The following CD55 variants were observed in gnomAD, a reference collection of about 807,000 sequenced individuals.
CD55 encodes CD55 molecule (Cromer blood group), also known as complement decay-accelerating factor.
In CD55, 41 loss-of-function variants were observed where a neutral mutation model predicts 45.8. The observed-to-expected ratio is 0.90, with a 90% CI of 0.70 to 1.16. The LOEUF (loss-of-function observed/expected upper bound fraction) is 1.16. CD55 is among the 50% of genes most tolerant of loss of function. The pLI is 0.00. For missense variants in CD55, 416 were observed against 469.8 expected (o/e 0.89, Z 1.06); for synonymous variants, 181 against 181.1 (o/e 1.00, Z 0.01).
chr1:207,352,784 A>G (rs1413770841), intron 9 of CD55, among the ~76,000 whole-genome samples: 4 of 152,102 alleles, frequency 2.6e-5, no homozygotes, highest in African/African-American at 4.8e-5. Context: ...TGATAATTTC[A>G]TCACTCCCTC....
chr1:207,327,600 C>A (rs868698683), intron 5 of CD55, among the ~76,000 whole-genome samples: 3 of 152,160 alleles, frequency 2.0e-5, no homozygotes, highest in Non-Finnish European at 2.9e-5. Flanking sequence ...TTCTCTCTCT[C>A]CACACACAAT....
chr1:207,325,212 G>A (rs1247452684), intron 3 of CD55, among the ~76,000 whole-genome samples: 2 of 151,832 alleles, frequency 1.3e-5, no homozygotes, highest in Non-Finnish European at 2.9e-5. Flanking sequence ...GCGCATGCCT[G>A]TAATCCCAGC....
intron 2 of CD55, 55 bp downstream of exon 2, chr1:207,322,622 A>T: frequency 7.1e-7 from 1 of 1,405,168 alleles, no homozygotes; most frequent in Non-Finnish European, 9.8e-7. Context: ...TCTTAAATTT[A>T]TTTTTATATA....
At chr1:207,334,149 A>G (rs1643794465) in intron 6 of CD55, among the ~76,000 whole-genome samples, 1 of 152,136 alleles carries the variant, frequency 6.6e-6, no homozygotes, top group African/African-American at 2.4e-5. Context: ...GCAAAAACAA[A>G]CAACAAAAAC....
chr1:207,357,736 A>C (rs1054820229), intron 9 of CD55, among the ~76,000 whole-genome samples: 8 of 152,144 alleles, frequency 5.3e-5, no homozygotes, highest in African/African-American at 1.9e-4. Flanking sequence ...GAGGGAATAC[A>C]GTAATTTCTG....
intron 6 of CD55, among the ~76,000 whole-genome samples, chr1:207,333,909 A>G (rs1433930488): frequency 6.6e-6 from 1 of 152,128 alleles, no homozygotes; most frequent in Non-Finnish European, 1.5e-5. Flanking sequence ...GTGCTAACAC[A>G]TTAGGAAAAA....
intron 9 of CD55, among the ~76,000 whole-genome samples, chr1:207,340,063 C>A (rs1655353526): frequency 6.6e-6 from 1 of 152,120 alleles, no homozygotes; most frequent in Non-Finnish European, 1.5e-5. Flanking sequence ...AGAATGTAAT[C>A]CTTCTATCTA....
At chr1:207,357,541 G>T (rs1256398919) in intron 9 of CD55, among the ~76,000 whole-genome samples, 2 of 141,906 alleles carry the variant, frequency 1.4e-5, no homozygotes, top group Non-Finnish European at 3.1e-5. Flanking sequence ...AGACTCCCTG[G>T]ATCGGTGGGA....
At chr1:207,334,690 A>G (rs1655091987) in intron 6 of CD55, among the ~76,000 whole-genome samples, 1 of 152,160 alleles carries the variant, frequency 6.6e-6, no homozygotes, top group African/African-American at 2.4e-5. Context: ...AATGAATGAC[A>G]GAAGAATACA....
At chr1:207,333,530 C>T (rs1655041821) in intron 6 of CD55, among the ~76,000 whole-genome samples, 1 of 152,078 alleles carries the variant, frequency 6.6e-6, no homozygotes. Context: ...TGGCATACAA[C>T]AAAAGACTGT....
At chr1:207,347,530 G>A (rs1655696556) in intron 9 of CD55, 2 of 271,368 alleles carry the variant, frequency 7.4e-6, no homozygotes, top group Non-Finnish European at 1.5e-5. Context: ...AAAGTGCTGG[G>A]ATTACAGGCG....
At chr1:207,350,620 A>G (rs1279000861) in intron 9 of CD55, among the ~76,000 whole-genome samples, 4 of 152,094 alleles carry the variant, frequency 2.6e-5, no homozygotes, top group Non-Finnish European at 2.9e-5. Context: ...CATTTCTTCT[A>G]CGTTTTCTAG....
At position 207,336,780 on chromosome 1, in the gene CD55, AGAAAACCACCAC is replaced by A. The variant is rs757210611; in HGVS notation, c.942_953del (p.Lys319_Thr322del). 9.9e-6 allele frequency: 16 copies of A among 1,613,998 alleles called. No individual in the cohort carries two copies. Among genetic ancestry groups the A allele is most frequent in the Non-Finnish European group, 1.3e-5 (15 of 1,179,890 alleles). On this transcript the variant is annotated inframe_deletion, in exon 7 of 10. Transcript: ENST00000367064. ...ACTACAGAAGTCTCACCAACTTCTC[AGAAAACCACCAC>A]AAAAACCACCACACCAAATGCTCAA...
chr1:207,336,994 T>G, intron 7 of CD55, 176 bp downstream of exon 7: 1 of 698,428 alleles, frequency 1.4e-6, no homozygotes, highest in Non-Finnish European at 2.4e-6. Context: ...CATCAACACC[T>G]CAAAGACACA....
chr1:207,322,778 A>G (rs1654483887), intron 2 of CD55, among the ~76,000 whole-genome samples: 1 of 152,214 alleles, frequency 6.6e-6, no homozygotes, highest in Non-Finnish European at 1.5e-5. Flanking sequence ...TCTTCCTAAC[A>G]CTGTACCTCT....
chr1:207,322,316 C>G lies in CD55; in HGVS notation c.101-66C>G, dbSNP rs926734160. Reference sequence around the variant, plus strand: ...TGTGGCATTTCAAGGGGGCTTGTGTCTTGAAAACAGCAACTGTGAGGACAC... The same window carrying G: ...TGTGGCATTTCAAGGGGGCTTGTGTGTTGAAAACAGCAACTGTGAGGACAC... On this transcript the variant is annotated intron_variant, in intron 1 of 9. Coordinates refer to ENST00000367064, the MANE Select transcript of CD55 (RefSeq NM_000574.5). 2.9e-6 allele frequency: 4 copies of G among 1,376,646 alleles called. No individual in the cohort carries two copies. The African/African-American group carries it at 4.3e-5, about 15-fold the overall frequency. The allele number at this position is 1,376,646 out of a possible 1,614,324, so 85.3% of individuals were successfully genotyped here. A position where few individuals can be genotyped will look rare whatever the true frequency, so the allele number is the denominator to read the frequency against.
At chr1:207,323,447 G>A (rs574989880) in intron 2 of CD55, among the ~76,000 whole-genome samples, 117 of 152,148 alleles carry the variant, frequency 7.7e-4, no homozygotes, top group African/African-American at 2.7e-3. Context: ...TAAAAGAAAT[G>A]AAGATTTCTT....
In CD55 at chr1:207,336,758, A is replaced by G. The variant is rs746772337; in HGVS notation, c.919A>G (p.Thr307Ala). 1.2e-6 allele frequency: 2 copies of G among 1,613,766 alleles called. No individual in the cohort carries two copies. The highest frequency in any genetic ancestry group is 2.2e-5 in the East Asian group (1 of 44,882). The change falls in exon 7 of 10, where the codon ACA (threonine) becomes GCA (alanine). Residue 307 changes from threonine to alanine, a missense_variant. Around this residue, in one of 3 missense-constraint regions of CD55, gnomAD observed 182 missense variants for 201.4 expected, o/e 0.90. Coordinates refer to ENST00000367064, the MANE Select transcript of CD55 (RefSeq NM_000574.5). ...ACCTACCACAGTAAATGTTCCAACT[A>G]CAGAAGTCTCACCAACTTCTCAGAA... is the stretch of plus-strand genomic sequence containing the variant. ...QKPTTVNVPT[T>A]EVSPTSQKTT...
intron 3 of CD55, among the ~76,000 whole-genome samples, chr1:207,325,187 T>C (rs1286501802): frequency 6.6e-6 from 1 of 151,884 alleles, no homozygotes; most frequent in Non-Finnish European, 1.5e-5. Context: ...ATACAAAAAC[T>C]AGCTGGGTGT....
Sources: gnomAD v4.1 joint callset for allele counts (sites outside exome capture counted in the v4.1 genomes callset) on GRCh38, gnomAD v4.1.1 for gene constraint, gnomAD v4.1.1 regional missense constraint, MANE v1.5 for transcripts, NCBI Gene and HGNC (gene_info 2026-07-23, HGNC 2026-07-21) for gene names.